The following DRC8 variants were observed in gnomAD, a reference collection of about 807,000 sequenced individuals.
DRC8 encodes dynein regulatory complex protein 8.
At chr1:245,032,040 A>G in the DRC8 span, among the ~76,000 whole-genome samples, 2 of 152,210 alleles carry the variant, frequency 1.3e-5, no homozygotes, top group South Asian at 2.1e-4. Context: ...CATCTTTACC[A>G]TGGCCAACTG....
the DRC8 span, among the ~76,000 whole-genome samples, chr1:245,069,245 G>A: frequency 6.6e-6 from 1 of 152,124 alleles, no homozygotes; most frequent in African/African-American, 2.4e-5. Context: ...CAAAGATTTT[G>A]TATGTTATAT....
chr1:245,007,233 C>G, the DRC8 span, among the ~76,000 whole-genome samples: 2 of 151,634 alleles, frequency 1.3e-5, no homozygotes, highest in Non-Finnish European at 2.9e-5. Flanking sequence ...CTTCAACAAG[C>G]TAATTTCATG....
the DRC8 span, among the ~76,000 whole-genome samples, chr1:244,986,567 A>G: frequency 1.1e-4 from 17 of 152,096 alleles, no homozygotes; most frequent in African/African-American, 4.1e-4. Context: ...ACAATTCATT[A>G]TGTTTTTAAG....
chr1:245,002,951 T>G, the DRC8 span, among the ~76,000 whole-genome samples: 1 of 152,170 alleles, frequency 6.6e-6, no homozygotes. Flanking sequence ...AATCAATAAC[T>G]TCACATCTCC....
chr1:245,069,680 A>T, the DRC8 span, among the ~76,000 whole-genome samples: 1 of 152,208 alleles, frequency 6.6e-6, no homozygotes, highest in Admixed American at 6.5e-5. Context: ...TGCAAGATGA[A>T]GACGTTCTAG....
the DRC8 span, among the ~76,000 whole-genome samples, chr1:245,112,178 G>A: frequency 2.6e-5 from 4 of 152,186 alleles, no homozygotes; most frequent in African/African-American, 7.2e-5. Flanking sequence ...GGGTTCAAGC[G>A]ATGCTCCTGC....
the DRC8 span, among the ~76,000 whole-genome samples, chr1:245,066,856 G>A: frequency 1.3e-5 from 2 of 152,034 alleles, no homozygotes; most frequent in African/African-American, 4.8e-5. Context: ...GCAGTGAGCC[G>A]AGATTGCGCC....
chr1:245,094,462 A>G, the DRC8 span, among the ~76,000 whole-genome samples: 1 of 152,198 alleles, frequency 6.6e-6, no homozygotes, highest in African/African-American at 2.4e-5. Flanking sequence ...AGGTGGAATG[A>G]GTACACGAGC....
At chr1:245,061,889 C>T in the DRC8 span, among the ~76,000 whole-genome samples, 4 of 152,092 alleles carry the variant, frequency 2.6e-5, no homozygotes, top group Admixed American at 6.6e-5. Flanking sequence ...GTGGATCACT[C>T]GAGGTCAGGA....
chr1:245,087,571 A>T, the DRC8 span: 1 of 1,169,930 alleles, frequency 8.5e-7, no homozygotes, highest in Non-Finnish European at 1.1e-6. Flanking sequence ...CTATTTATTT[A>T]AAAACTATTC....
At chr1:245,089,137 C>T in the DRC8 span, among the ~76,000 whole-genome samples, 1 of 152,086 alleles carries the variant, frequency 6.6e-6, no homozygotes, top group South Asian at 2.1e-4. The surrounding 1 kb of genome is among the most constrained non-coding windows in gnomAD (Gnocchi z 4.8). Context: ...AAGCATGAAT[C>T]CCAGGTTTCT....
the DRC8 span, among the ~76,000 whole-genome samples, chr1:245,101,476 T>C: frequency 6.6e-6 from 1 of 152,200 alleles, no homozygotes; most frequent in Non-Finnish European, 1.5e-5. Context: ...TATCTGATTG[T>C]CTCTCTATGA....
chr1:244,997,893 C>A, the DRC8 span, among the ~76,000 whole-genome samples: 1 of 152,024 alleles, frequency 6.6e-6, no homozygotes, highest in East Asian at 1.9e-4. Context: ...TTGTCACTGT[C>A]ATTTATTAGT....
the DRC8 span, among the ~76,000 whole-genome samples, chr1:245,089,573 C>T: frequency 2.6e-5 from 4 of 151,710 alleles, no homozygotes; most frequent in African/African-American, 7.3e-5. The surrounding 1 kb of genome is among the most constrained non-coding windows in gnomAD (Gnocchi z 4.8). Context: ...AAGTTAAAGA[C>T]GGAAAAAACG....
At chr1:245,113,216 T>C in the DRC8 span, among the ~76,000 whole-genome samples, 1 of 152,226 alleles carries the variant, frequency 6.6e-6, no homozygotes, top group South Asian at 2.1e-4. Context: ...CACCGTGTCT[T>C]ACAGGCGAGT....
the DRC8 span, among the ~76,000 whole-genome samples, chr1:245,049,914 C>T: frequency 6.6e-6 from 1 of 152,212 alleles, no homozygotes; most frequent in Admixed American, 6.5e-5. This position sits in a 1 kb window ranked among gnomAD's most constrained non-coding sequence, Gnocchi z 4.5. Flanking sequence ...GTTCACTTTT[C>T]CTCATCTGTA....
At chr1:245,071,144 C>T in the DRC8 span, among the ~76,000 whole-genome samples, 4 of 152,272 alleles carry the variant, frequency 2.6e-5, no homozygotes, top group East Asian at 1.9e-4. Flanking sequence ...GGACTAAGAC[C>T]GAAATTGATC....
the DRC8 span, among the ~76,000 whole-genome samples, chr1:245,050,303 C>T: frequency 5.3e-3 from 807 of 151,968 alleles, 4 homozygotes; most frequent in African/African-American, 0.018. Flanking sequence ...TTTCACCATG[C>T]TGGCCAGGCT....
chr1:245,059,453 G>A, the DRC8 span: 1 of 1,612,482 alleles, frequency 6.2e-7, no homozygotes. Context: ...TGATCTGATT[G>A]CAGAGGTGAG....
Sources: gnomAD v4.1 joint callset for allele counts (sites outside exome capture counted in the v4.1 genomes callset) on GRCh38, gnomAD v4.1.1 for gene constraint, Gnocchi (gnomAD v3.1) non-coding constraint, MANE v1.5 for transcripts, NCBI Gene and HGNC (gene_info 2026-07-23, HGNC 2026-07-21) for gene names.